Variants in CTCF observed in about 807,000 individuals in gnomAD.
CTCF encodes the protein transcriptional repressor CTCF.
A neutral mutation model predicts 72.3 loss-of-function variants in CTCF; 7 were observed. The ratio of observed to expected loss-of-function variants is 0.10; its 90% confidence interval spans 0.06 to 0.18. CTCF has a LOEUF of 0.18. CTCF is among the 10% of genes least tolerant of loss of function. The probability of loss-of-function intolerance (pLI) is 1.00; values close to 1 mark genes in which losing one functional copy is unlikely to be tolerated. For synonymous variants in CTCF, 374 were observed against 315.8 expected (o/e 1.18, Z -1.95); for missense variants, 516 against 949.1 (o/e 0.54, Z 6.00).
intron 2 of CTCF, among the ~76,000 whole-genome samples, chr16:67,577,727 G>A (rs1194824658): frequency 2.0e-5 from 3 of 151,920 alleles, no homozygotes; most frequent in East Asian, 1.9e-4. Context: ...GATTACAGGC[G>A]TGAGCCACCG....
chr16:67,631,748 C>G (rs369798737), intron 10 of CTCF, among the ~76,000 whole-genome samples: 4 of 125,480 alleles, frequency 3.2e-5, no homozygotes, highest in Admixed American at 1.1e-4. Flanking sequence ...CTTCTTCAGT[C>G]ACTGGGTGTT....
At chr16:67,579,169 C>T (rs1486324994) in intron 2 of CTCF, among the ~76,000 whole-genome samples, 11 of 151,628 alleles carry the variant, frequency 7.3e-5, no homozygotes, top group East Asian at 2.0e-4. Context: ...GCAGGAGAAT[C>T]GCTTGAACCT....
At chr16:67,623,806 T>A (rs2052236790) in intron 7 of CTCF, among the ~76,000 whole-genome samples, 1 of 151,930 alleles carries the variant, frequency 6.6e-6, no homozygotes, top group Non-Finnish European at 1.5e-5. Context: ...TCCCAGCACT[T>A]TGGGAGGCTG....
intron 2 of CTCF, among the ~76,000 whole-genome samples, chr16:67,593,460 GC>G (rs1567600731): frequency 6.6e-6 from 1 of 152,084 alleles, no homozygotes; most frequent in Non-Finnish European, 1.5e-5. Context: ...TTCTGTTCCT[GC>G]CTTAATTCGC....
intron 10 of CTCF, among the ~76,000 whole-genome samples, chr16:67,633,013 A>C (rs537411897): frequency 5.3e-5 from 8 of 152,200 alleles, no homozygotes; most frequent in African/African-American, 1.4e-4. Flanking sequence ...GCGCCAGAAC[A>C]GCCCCAGACT....
chr16:67,613,207 T>C (rs1279534144), intron 4 of CTCF, among the ~76,000 whole-genome samples: 1 of 152,246 alleles, frequency 6.6e-6, no homozygotes, highest in Non-Finnish European at 1.5e-5. Flanking sequence ...GGAAGTTGGT[T>C]GCAAGTCTTC....
intron 4 of CTCF, among the ~76,000 whole-genome samples, chr16:67,613,421 A>G (rs1367500877): frequency 1.3e-5 from 2 of 152,306 alleles, no homozygotes; most frequent in East Asian, 1.9e-4. Flanking sequence ...ACTTTTAAAC[A>G]TCTCCCTAAT....
At chr16:67,582,062 A>AAAC (rs1323895780) in intron 2 of CTCF, among the ~76,000 whole-genome samples, 1 of 151,942 alleles carries the variant, frequency 6.6e-6, no homozygotes, top group East Asian at 2.0e-4. Context: ...TCTCTACTAA[A>AAAC]ACAAAAAATT....
intron 2 of CTCF, 109 bp downstream of exon 2, chr16:67,571,373 G>A (rs1339608559): frequency 6.6e-6 from 1 of 152,474 alleles, no homozygotes; most frequent in African/African-American, 2.4e-5. Flanking sequence ...CAGGATATCA[G>A]GTGATTGAGA....
At chr16:67,625,820 C>G (rs1232474862) in intron 7 of CTCF, among the ~76,000 whole-genome samples, 1 of 148,098 alleles carries the variant, frequency 6.8e-6, no homozygotes, top group East Asian at 2.0e-4. Context: ...CCCCACCCCC[C>G]GACCCTGAAA....
chr16:67,607,048 C>A (rs909478121), intron 2 of CTCF, among the ~76,000 whole-genome samples: 3 of 152,052 alleles, frequency 2.0e-5, no homozygotes, highest in African/African-American at 7.2e-5. Context: ...CCTCCACCTC[C>A]CAGGTTCAAG....
intron 2 of CTCF, among the ~76,000 whole-genome samples, chr16:67,576,058 G>C (rs573242698): frequency 6.7e-6 from 1 of 149,688 alleles, no homozygotes; most frequent in Non-Finnish European, 1.5e-5. Flanking sequence ...CTACTTGGGA[G>C]GCTGAGATGG....
At position 67,589,069 on chromosome 16, in the gene CTCF, A is replaced by C. The variant is rs2051704820; in HGVS notation, c.-10+17805A>C. Among the ~76,000 whole-genome samples the C allele has an allele frequency of 3.9e-5, 6 of 152,064 alleles. No individual in the cohort carries two copies. In the South Asian group the frequency reaches 1.0e-3, roughly 26 times the overall value. On this transcript the variant is annotated intron_variant, in intron 2 of 11. Transcript: ENST00000264010. ...CATGTTGGGAGGCTGAGGCAGGAAG[A>C]TTGTTTGAAGCCAGAAGCTCAAGAC...
chr16:67,581,049 C>T (rs1384806277), intron 2 of CTCF, among the ~76,000 whole-genome samples: 1 of 152,174 alleles, frequency 6.6e-6, no homozygotes, highest in African/African-American at 2.4e-5. Context: ...CTGCCTCAGC[C>T]TCCCGAGAAG....
At chr16:67,620,920 A>C in intron 6 of CTCF, 103 bp downstream of exon 6, 1 of 949,192 alleles carries the variant, frequency 1.1e-6, no homozygotes, top group Non-Finnish European at 1.5e-6. Context: ...ATGAATGAAG[A>C]CTGGCATGAA....
intron 2 of CTCF, among the ~76,000 whole-genome samples, chr16:67,582,204 C>A (rs1160725317): frequency 6.8e-6 from 1 of 147,826 alleles, no homozygotes; most frequent in Non-Finnish European, 1.5e-5. Context: ...GAGCAAGACT[C>A]CGTCTCAAAA....
intron 10 of CTCF, among the ~76,000 whole-genome samples, chr16:67,636,367 G>C (rs927765102): frequency 6.8e-6 from 1 of 146,200 alleles, no homozygotes; most frequent in Non-Finnish European, 1.5e-5. Flanking sequence ...GTGAGACTCT[G>C]TCTCAAAAAA....
intron 1 of CTCF, among the ~76,000 whole-genome samples, chr16:67,566,736 C>T (rs561020427): frequency 1.1e-4 from 17 of 151,526 alleles, no homozygotes; most frequent in South Asian, 2.1e-4. Flanking sequence ...CCTGCCACCA[C>T]GCCTGGCTAA....
intron 2 of CTCF, among the ~76,000 whole-genome samples, chr16:67,576,524 A>G (rs948337213): frequency 1.3e-5 from 2 of 149,600 alleles, no homozygotes; most frequent in African/African-American, 2.5e-5. Flanking sequence ...GACTGGTTAA[A>G]TTATGATACA....
Sources: allele counts gnomAD v4.1 joint callset (sites outside exome capture counted in the v4.1 genomes callset), GRCh38; gene constraint gnomAD v4.1.1; transcripts MANE v1.5; gene names NCBI Gene and HGNC (gene_info 2026-07-23, HGNC 2026-07-21).